ARID1B: variants seen among roughly 807,000 people sequenced by gnomAD.
ARID1B encodes the protein AT-rich interaction domain 1B.
Under a neutral mutation model 212.3 loss-of-function variants are expected in ARID1B, and 30 were observed. The ratio of observed to expected loss-of-function variants is 0.14; its 90% CI spans 0.11 to 0.19. ARID1B has a LOEUF of 0.19. ARID1B is among the 10% of genes least tolerant of loss of function. The probability of loss-of-function intolerance (pLI) is 1.00; values close to 1 mark genes in which losing one functional copy is unlikely to be tolerated. For synonymous variants in ARID1B, 1,402 were observed against 1,301.7 expected (o/e 1.08, Z -1.66); for missense variants, 2,891 against 3,204.0 (o/e 0.90, Z 2.36).
intron 2 of ARID1B, among the ~76,000 whole-genome samples, chr6:156,862,601 A>G (rs1785410751): frequency 6.6e-6 from 1 of 152,160 alleles, no homozygotes; most frequent in South Asian, 2.1e-4. Context: ...AGGGAGAAAT[A>G]AGGATTAAGA....
chr6:156,797,832 T>C (rs1268701092), intron 1 of ARID1B, among the ~76,000 whole-genome samples: 1 of 151,792 alleles, frequency 6.6e-6, no homozygotes, highest in Non-Finnish European at 1.5e-5. Flanking sequence ...ACGTGCCTGG[T>C]GAGGAGAGGT....
rs551120936 is a variant in ARID1B at position 157,189,478 on chromosome 6, C to T, written c.3920-164C>T. Among the ~76,000 whole-genome samples the T allele has an allele frequency of 2.1e-4, 32 of 152,232 alleles. No individual in the cohort carries two copies. In the East Asian group the frequency reaches 5.6e-3, roughly 27 times the overall value. Reference sequence around the variant, plus strand: ...TTTACTGTAAACAATAGAAAAGCAACGAATTTTACAACATCATTATCAGCA... The same window carrying T: ...TTTACTGTAAACAATAGAAAAGCAATGAATTTTACAACATCATTATCAGCA... On this transcript the variant is annotated intron_variant, in intron 13 of 19. Transcript: ENST00000636930.
At chr6:157,034,638 C>G (rs1324482396) in intron 4 of ARID1B, among the ~76,000 whole-genome samples, 1 of 152,140 alleles carries the variant, frequency 6.6e-6, no homozygotes, top group Non-Finnish European at 1.5e-5. Context: ...AGTTGAAATA[C>G]TCCTTTGCTC....
chr6:157,189,689 A>C lies in ARID1B; in HGVS notation c.3967A>C (p.Ser1323Arg). ...QGPQTPQSTG[S>R]NSMAEVPGDL... is the part of the protein sequence containing the mutation. Reference sequence around the variant, plus strand: ...CCCACAGACCCCCCAGTCAACTGGCAGCAATTCCATGGCAGAGGTTCCAGG... The same window carrying C: ...CCCACAGACCCCCCAGTCAACTGGCCGCAATTCCATGGCAGAGGTTCCAGG... The change falls in exon 14 of 20, where the codon AGC becomes CGC. Residue 1323 changes from serine (S) to arginine (R), a missense_variant. This residue lies in a region of ARID1B where 666 missense variants were observed against 873.5 expected (regional missense o/e 0.76). Coordinates refer to ENST00000636930, the MANE Select transcript of ARID1B (RefSeq NM_001374828.1). 6.2e-7 allele frequency: 1 copy of C among 1,613,972 alleles called. No individual in the cohort carries two copies.
At chr6:157,033,713 C>G (rs1408775258) in intron 4 of ARID1B, among the ~76,000 whole-genome samples, 2 of 152,208 alleles carry the variant, frequency 1.3e-5, no homozygotes, top group African/African-American at 2.4e-5. Context: ...GGCTTAGCTG[C>G]TGCTGAACTT....
intron 3 of ARID1B, among the ~76,000 whole-genome samples, chr6:156,909,156 C>T (rs537496702): frequency 3.5e-4 from 44 of 127,330 alleles, no homozygotes; most frequent in Admixed American, 9.1e-4. Flanking sequence ...GACAGAGCCT[C>T]GCTCTGTCGC....
chr6:157,134,441 GA>G (rs1432707296), intron 7 of ARID1B, among the ~76,000 whole-genome samples: 6 of 152,334 alleles, frequency 3.9e-5, no homozygotes, highest in Middle Eastern at 3.4e-3. Context: ...GGATACCCAA[GA>G]AAGCAAACGT....
chr6:156,973,129 A>T (rs1224755049), intron 4 of ARID1B, among the ~76,000 whole-genome samples: 1 of 152,240 alleles, frequency 6.6e-6, no homozygotes, highest in Non-Finnish European at 1.5e-5. Context: ...GGCACTAGCT[A>T]CTTGTGGGTA....
In ARID1B at chr6:157,203,431, C is replaced by G. The variant is rs1466601429; in HGVS notation, c.5264-435C>G. 6.6e-6 allele frequency among the ~76,000 whole-genome samples: 1 copy of G among 152,228 alleles called. No individual in the cohort carries two copies. Among genetic ancestry groups the G allele is most frequent in the Non-Finnish European group, 1.5e-5 (1 of 68,040 alleles). Reference sequence around the variant, plus strand: ...AGTTAAATTTTGCTTCCATGTTCTGCATACTTGGCGGCCTTCCAGGACGCC... The same window carrying G: ...AGTTAAATTTTGCTTCCATGTTCTGGATACTTGGCGGCCTTCCAGGACGCC... On this transcript the variant is annotated intron_variant, in intron 18 of 19. Coordinates refer to ENST00000636930, the MANE Select transcript of ARID1B (RefSeq NM_001374828.1). The surrounding 1 kb of genome is among the most constrained non-coding windows in gnomAD (Gnocchi z 4.4).
chr6:156,946,706 G>A (rs1793181130), intron 4 of ARID1B, among the ~76,000 whole-genome samples: 1 of 152,172 alleles, frequency 6.6e-6, no homozygotes, highest in Non-Finnish European at 1.5e-5. Context: ...GAGGGAGGGA[G>A]GGAGGGAAGG....
At chr6:156,934,721 A>G (rs1792019361) in intron 3 of ARID1B, among the ~76,000 whole-genome samples, 1 of 151,544 alleles carries the variant, frequency 6.6e-6, no homozygotes, top group Non-Finnish European at 1.5e-5. Context: ...AGGTAATATT[A>G]AAGGCAGTTT....
intron 3 of ARID1B, among the ~76,000 whole-genome samples, chr6:156,918,668 G>T (rs553148893): frequency 3.0e-4 from 45 of 152,270 alleles, no homozygotes; most frequent in African/African-American, 1.1e-3. Flanking sequence ...AGCATCCGAG[G>T]AGACAACTTC....
intron 6 of ARID1B, among the ~76,000 whole-genome samples, chr6:157,118,511 A>G (rs1787486539): frequency 6.6e-6 from 1 of 152,240 alleles, no homozygotes; most frequent in Non-Finnish European, 1.5e-5. Context: ...TCCACTCTTA[A>G]TTGAAGATCC....
intron 15 of ARID1B, among the ~76,000 whole-genome samples, chr6:157,191,200 G>T (rs1038479623): frequency 6.6e-6 from 1 of 152,070 alleles, no homozygotes; most frequent in Non-Finnish European, 1.5e-5. Flanking sequence ...GAGAGTCTAG[G>T]GGGAGCTGGC....
intron 2 of ARID1B, among the ~76,000 whole-genome samples, chr6:156,836,275 C>T (rs978525572): frequency 1.1e-4 from 17 of 152,140 alleles, no homozygotes; most frequent in African/African-American, 3.9e-4. Flanking sequence ...AATCCCCCCA[C>T]GGATGCCCAA....
intron 3 of ARID1B, chr6:156,901,964 CATT>C (rs1443124677): frequency 5.8e-6 from 1 of 171,956 alleles, no homozygotes; most frequent in Non-Finnish European, 1.3e-5. Context: ...TTTGTGAAAA[CATT>C]GTTGCCTTTG....
rs577451975 is a variant in ARID1B, at chr6:157,013,209, G to A, written c.2248-71453G>A. ...GAAGTTTTGAACTTGCCATTTTGCC[G>A]CTCTAGTGCTGCCTAAGGCACTTTG... On this transcript the variant is annotated intron_variant, in intron 4 of 19. Coordinates refer to ENST00000636930, the MANE Select transcript of ARID1B (RefSeq NM_001374828.1). 1.8e-4 allele frequency among the ~76,000 whole-genome samples: 27 copies of A among 152,316 alleles called. No homozygotes were observed. In the South Asian group the frequency reaches 2.9e-3, roughly 16 times the overall value.
chr6:157,167,835 A>G (rs1376733412), intron 9 of ARID1B: 8 of 152,298 alleles, frequency 5.3e-5, no homozygotes, highest in Non-Finnish European at 8.8e-5. Flanking sequence ...CATATCTCCC[A>G]TGATCTTAGA....
intron 1 of ARID1B, among the ~76,000 whole-genome samples, chr6:156,793,287 TGC>T (rs1780135940): frequency 6.6e-6 from 1 of 152,078 alleles, no homozygotes; most frequent in Non-Finnish European, 1.5e-5. Context: ...GCCAGCTGGG[TGC>T]AGAGGAGGCA....
Sources: allele counts gnomAD v4.1 joint callset (sites outside exome capture counted in the v4.1 genomes callset), GRCh38; gene constraint gnomAD v4.1.1; regional missense constraint gnomAD v4.1.1; non-coding constraint Gnocchi (gnomAD v3.1); transcripts MANE v1.5; gene names NCBI Gene and HGNC (gene_info 2026-07-23, HGNC 2026-07-21).